The following MARCHF1 variants were observed in gnomAD, a reference collection of about 807,000 sequenced individuals.
MARCHF1 encodes membrane associated ring-CH-type finger 1.
Under a neutral mutation model 54.2 loss-of-function variants are expected in MARCHF1, and 40 were observed. The observed-to-expected ratio is 0.74, with a 90% CI of 0.57 to 0.96. The LOEUF (loss-of-function observed/expected upper bound fraction) is 0.96, where lower values mean the gene tolerates loss of function less well. Among genes scored for constraint, MARCHF1 ranks in the 40% least tolerant of loss-of-function variants. The pLI, the probability that MARCHF1 is intolerant of heterozygous loss-of-function variation, is 0.00. For synonymous variants in MARCHF1, 236 were observed against 236.3 expected (o/e 1.00, Z 0.01); for missense variants, 586 against 656.5 (o/e 0.89, Z 1.17).
intron 3 of MARCHF1, among the ~76,000 whole-genome samples, chr4:163,962,978 T>C (rs777737559): frequency 7.2e-5 from 11 of 151,884 alleles, no homozygotes; most frequent in Non-Finnish European, 1.5e-4. Context: ...ATATCCACAT[T>C]TATTTCCACT....
intron 7 of MARCHF1, among the ~76,000 whole-genome samples, chr4:163,596,772 T>TACTGCTA: frequency 6.6e-6 from 1 of 152,108 alleles, no homozygotes; most frequent in African/African-American, 2.4e-5. Context: ...TTAAAAGGTA[T>TACTGCTA]TTTTCAAAAT....
chr4:163,992,240 T>G (rs1474588016), intron 2 of MARCHF1, among the ~76,000 whole-genome samples: 1 of 152,138 alleles, frequency 6.6e-6, no homozygotes, highest in Non-Finnish European at 1.5e-5. Flanking sequence ...TCTTCTGTGT[T>G]TTCTGAACCA....
intron 1 of MARCHF1, chr4:164,197,343 G>C: frequency 6.2e-7 from 1 of 1,612,604 alleles, no homozygotes; most frequent in Non-Finnish European, 8.5e-7. Flanking sequence ...AGTCGTTCAG[G>C]TTGGTTACCT....
At chr4:164,313,218 G>A (rs1462032866) in intron 1 of MARCHF1, among the ~76,000 whole-genome samples, 4 of 150,804 alleles carry the variant, frequency 2.7e-5, no homozygotes, top group South Asian at 4.2e-4. Context: ...GGGTGGTGGC[G>A]GGTGCCTGTA....
At chr4:164,211,180 C>A (rs570762151) in intron 1 of MARCHF1, among the ~76,000 whole-genome samples, 1 of 151,536 alleles carries the variant, frequency 6.6e-6, no homozygotes, top group South Asian at 2.1e-4. Context: ...CTGTGTATTT[C>A]AAAAATTGCT....
At chr4:163,529,995 G>A (rs1738292368) in intron 9 of MARCHF1, 1 of 151,680 alleles carries the variant, frequency 6.6e-6, no homozygotes, top group South Asian at 2.1e-4. Flanking sequence ...GGAAGGGATG[G>A]TAGAAATGTG....
intron 3 of MARCHF1, among the ~76,000 whole-genome samples, chr4:163,955,932 A>C (rs1752224586): frequency 1.3e-5 from 2 of 152,290 alleles, no homozygotes; most frequent in South Asian, 4.1e-4. Context: ...GCAAATAGAA[A>C]GGGATGGGAG....
rs565234386 is a variant in MARCHF1 at position 163,942,765 on chromosome 4, G to GACAGTTCT, written c.-39+45728_-39+45735dup. ...TGATTACCTCCCCCGATCTTTTTAG[G>GACAGTTCT]ACAGTTCTGTTGGACAAAAAAAGTC... On this transcript the variant is annotated intron_variant, in intron 3 of 9. Transcript: ENST00000514618. 1.2e-3 allele frequency among the ~76,000 whole-genome samples: 187 copies of GACAGTTCT among 151,904 alleles called. 1 individual carries two copies. In the South Asian group the frequency reaches 0.02, roughly 17 times the overall value.
chr4:163,902,729 G>T (rs1309128270), intron 3 of MARCHF1, among the ~76,000 whole-genome samples: 4 of 152,206 alleles, frequency 2.6e-5, no homozygotes, highest in Admixed American at 6.5e-5. Context: ...TTTGTTTCTA[G>T]AAAGCTTCCA....
At chr4:164,241,308 A>G (rs1042308156) in intron 1 of MARCHF1, among the ~76,000 whole-genome samples, 32 of 152,098 alleles carry the variant, frequency 2.1e-4, no homozygotes, top group African/African-American at 7.7e-4. Flanking sequence ...TTTGAGAAAT[A>G]CCTCCAGTCC....
rs190997098 is a variant in MARCHF1 at position 164,366,682 on chromosome 4, C to T, written c.-323+17188G>A. ...CTGTTGCATTTTTGCCTCATTTTTT[C>T]CAGTTAGCTATATAATTTTATTTAT... On this transcript the variant is annotated intron_variant, in intron 1 of 9. Coordinates refer to ENST00000514618, the MANE Select transcript of MARCHF1 (RefSeq NM_001394959.1). 8.6e-5 allele frequency among the ~76,000 whole-genome samples: 13 copies of T among 151,556 alleles called. No individual in the cohort carries two copies. In the East Asian group the frequency reaches 1.4e-3, roughly 16 times the overall value.
intron 2 of MARCHF1, among the ~76,000 whole-genome samples, chr4:164,004,098 A>G (rs1013731696): frequency 1.3e-5 from 2 of 152,104 alleles, no homozygotes; most frequent in Admixed American, 1.3e-4. Flanking sequence ...GAAAACATGG[A>G]CACAGGAAGG....
chr4:164,220,475 T>A (rs934142497), intron 1 of MARCHF1, among the ~76,000 whole-genome samples: 1 of 146,116 alleles, frequency 6.8e-6, no homozygotes, highest in African/African-American at 2.5e-5. Flanking sequence ...AGGTATGGAA[T>A]ATATATGGGA....
intron 1 of MARCHF1, among the ~76,000 whole-genome samples, chr4:164,259,579 GAAAAAAGAAAA>G (rs1263473470): frequency 0.084 from 10,529 of 124,848 alleles, 373 homozygotes; most frequent in African/African-American, 0.18. Flanking sequence ...AAAAGAAAAA[GAAAAAAGAAAA>G]AAAAAAGAAA....
chr4:164,241,953 C>T (rs943359443), intron 1 of MARCHF1, among the ~76,000 whole-genome samples: 1 of 152,220 alleles, frequency 6.6e-6, no homozygotes, highest in Non-Finnish European at 1.5e-5. Flanking sequence ...GAGATTATAT[C>T]CCACACCTGG....
chr4:163,537,069 T>A (rs576518972), intron 9 of MARCHF1, among the ~76,000 whole-genome samples: 1 of 152,298 alleles, frequency 6.6e-6, no homozygotes, highest in South Asian at 2.1e-4. Context: ...GACAGCCAGC[T>A]CTTTTTCTTG....
chr4:163,679,063 T>C (rs1744009868), intron 5 of MARCHF1, among the ~76,000 whole-genome samples: 1 of 152,026 alleles, frequency 6.6e-6, no homozygotes. Context: ...TCCAGTGGAG[T>C]TGTAAGTTGT....
chr4:164,110,121 GATACAC>G (rs1341634925), intron 2 of MARCHF1, among the ~76,000 whole-genome samples: 6 of 51,800 alleles, frequency 1.2e-4, no homozygotes, highest in East Asian at 8.1e-4. Context: ...TGGAATTGGA[GATACAC>G]ACACACACAC....
intron 4 of MARCHF1, among the ~76,000 whole-genome samples, chr4:163,824,196 T>C (rs934202821): frequency 2.0e-5 from 3 of 152,022 alleles, no homozygotes; most frequent in African/African-American, 7.2e-5. Flanking sequence ...TATGGTTATT[T>C]ATTTCAAATT....
Sources: allele counts gnomAD v4.1 joint callset (sites outside exome capture counted in the v4.1 genomes callset), GRCh38; gene constraint gnomAD v4.1.1; transcripts MANE v1.5; gene names NCBI Gene and HGNC (gene_info 2026-07-23, HGNC 2026-07-21).